Variants in CDH4 observed in about 807,000 individuals in gnomAD.
CDH4 encodes the protein cadherin 4, also known as cadherin-4.
Under a neutral mutation model 86.0 loss-of-function variants are expected in CDH4, and 33 were observed. The observed-to-expected ratio is 0.38, with a 90% CI of 0.29 to 0.51. The LOEUF (loss-of-function observed/expected upper bound fraction) is 0.51, where lower values mean the gene tolerates loss of function less well. Among genes scored for constraint, CDH4 ranks in the 20% least tolerant of loss-of-function variants. The probability of loss-of-function intolerance (pLI) is 0.86; values close to 1 mark genes in which losing one functional copy is unlikely to be tolerated. For missense variants in CDH4, 1,114 were observed against 1,307.4 expected (o/e 0.85, Z 2.28); for synonymous variants, 555 against 549.4 (o/e 1.01, Z -0.14).
intron 2 of CDH4, among the ~76,000 whole-genome samples, chr20:61,627,163 C>G (rs1377778230): frequency 6.6e-6 from 1 of 152,144 alleles, no homozygotes; most frequent in Non-Finnish European, 1.5e-5. Context: ...TCTGTCTAGA[C>G]ACAGGTTGGA....
chr20:61,715,276 T>C (rs2087940895), intron 2 of CDH4, among the ~76,000 whole-genome samples: 1 of 152,240 alleles, frequency 6.6e-6, no homozygotes. Flanking sequence ...TCTTGCTGAT[T>C]TGAGTTCTTT....
At chr20:61,266,238 T>TG (rs1600817154) in intron 2 of CDH4, among the ~76,000 whole-genome samples, 1 of 151,980 alleles carries the variant, frequency 6.6e-6, no homozygotes, top group East Asian at 1.9e-4. Flanking sequence ...TCTCCTGGAA[T>TG]GGGTGCATTT....
chr20:61,859,597 AT>A lies in CDH4; in HGVS notation c.877+6705del, dbSNP rs1349422951. On this transcript the variant is annotated intron_variant, in intron 6 of 15. Transcript: ENST00000614565. Reference sequence around the variant, plus strand: ...ACATGTGAGATGTAGATCCAGGTGTATTTTTTGCTCATCTCCATATTTTCCA... The same window carrying A: ...ACATGTGAGATGTAGATCCAGGTGTATTTTTGCTCATCTCCATATTTTCCA... 3.3e-5 allele frequency among the ~76,000 whole-genome samples: 5 copies of A among 152,048 alleles called. No individual in the cohort carries two copies. In the East Asian group the frequency reaches 9.7e-4, roughly 29 times the overall value.
chr20:61,404,734 T>G (rs1205333539), intron 2 of CDH4, among the ~76,000 whole-genome samples: 1 of 152,100 alleles, frequency 6.6e-6, no homozygotes, highest in Non-Finnish European at 1.5e-5. Context: ...TTTTTTCTTT[T>G]TTTCCTAGGG....
At position 61,383,414 on chromosome 20, in the gene CDH4, G is replaced by GATATATATGATATATATC. The variant is rs1568822683; in HGVS notation, c.169+128484_169+128501dup. On this transcript the variant is annotated intron_variant, in intron 2 of 15. Transcript: ENST00000614565. ...ATATATGATATATATGAATATATAT[G>GATATATATGATATATATC]ATATATATGATATATATCATATATG... 7.3e-5 allele frequency among the ~76,000 whole-genome samples: 3 copies of GATATATATGATATATATC among 40,900 alleles called. 1 individual carries two copies. The highest frequency in any genetic ancestry group is 1.1e-4 in the Non-Finnish European group (3 of 27,768). The allele number at this position is 40,900 out of a possible 152,430, so 26.8% of individuals were successfully genotyped here. A position where few individuals can be genotyped will look rare whatever the true frequency, so the allele number is the denominator to read the frequency against.
At chr20:61,567,758 G>A (rs2086311022) in intron 2 of CDH4, among the ~76,000 whole-genome samples, 1 of 152,180 alleles carries the variant, frequency 6.6e-6, no homozygotes, top group South Asian at 2.1e-4. Flanking sequence ...AAAACGGGAG[G>A]ATTGTTCGAG....
chr20:61,254,936 A>T lies in CDH4; in HGVS notation c.168A>T (p.Gln56His). 1.9e-6 allele frequency: 3 copies of T among 1,557,968 alleles called. No individual in the cohort carries two copies. Among genetic ancestry groups the T allele is most frequent in the Non-Finnish European group, 2.7e-6 (3 of 1,128,998 alleles). Residue 56 changes from glutamine (Q) to histidine (H), a missense_variant and splice_region_variant, in exon 2 of 16, where the codon CAA becomes CAT. Physicochemically the swap from Gln to His is conservative, Grantham distance 24. This residue lies in a region of CDH4 where 221 missense variants were observed against 209.5 expected (regional missense o/e 1.05). Coordinates refer to ENST00000614565, the MANE Select transcript of CDH4 (RefSeq NM_001794.5). Reference protein sequence around the residue: ...QNILEGEKLLQVKFSSCVGTK... With the variant: ...QNILEGEKLLHVKFSSCVGTK... ...TTCTAGAAGGGGAAAAGCTACTTCA[A>T]GGTAAGGCGGGGTGTGGAGGGGTGG...
chr20:61,713,269 A>G (rs2087912654), intron 2 of CDH4, among the ~76,000 whole-genome samples: 1 of 152,128 alleles, frequency 6.6e-6, no homozygotes, highest in Non-Finnish European at 1.5e-5. Flanking sequence ...CCCTTTGGAG[A>G]TGCACTTTGC....
In CDH4 at chr20:61,518,996, C is replaced by T. The variant is rs1450706269; in HGVS notation, c.170-224567C>T. Among the ~76,000 whole-genome samples, 1 of 152,228 alleles carries T rather than the reference C, an allele frequency of 6.6e-6. No homozygotes were observed. Among genetic ancestry groups the T allele is most frequent in the African/African-American group, 2.4e-5 (1 of 41,450 alleles). The stretch of plus-strand genomic sequence containing the variant: ...TCCATCCATCCTTCATCCATCCATT[C>T]ATCCATGCATTCCCAGGATGCACAC... On this transcript the variant is annotated intron_variant, in intron 2 of 15. Coordinates refer to ENST00000614565, the MANE Select transcript of CDH4 (RefSeq NM_001794.5). This position sits in a 1 kb window ranked among gnomAD's most constrained non-coding sequence, Gnocchi z 6.3.
intron 7 of CDH4, among the ~76,000 whole-genome samples, chr20:61,877,316 C>T (rs1261721160): frequency 3.3e-5 from 5 of 152,170 alleles, no homozygotes; most frequent in Admixed American, 1.3e-4. Context: ...CAAGGCGGGG[C>T]CAGCCTGCTC....
rs529088623 is a variant in CDH4 at position 61,595,430 on chromosome 20, C to T, written c.170-148133C>T. 3.9e-5 allele frequency among the ~76,000 whole-genome samples: 6 copies of T among 152,306 alleles called. No individual in the cohort carries two copies. The East Asian group carries it at 1.2e-3, about 29-fold the overall frequency. On this transcript the variant is annotated intron_variant, in intron 2 of 15. Transcript: ENST00000614565. ...CCTAATGAGCTGCCTGTGTTGACTG[C>T]GGGATCCTTCCCCACCAAACGCTGT... is the stretch of plus-strand genomic sequence containing the variant.
intron 2 of CDH4, among the ~76,000 whole-genome samples, chr20:61,495,926 G>A (rs1033324761): frequency 5.1e-5 from 7 of 136,432 alleles, no homozygotes; most frequent in Admixed American, 1.5e-4. Flanking sequence ...AAAAAAAAGA[G>A]TCTAGTGCAG....
intron 2 of CDH4, among the ~76,000 whole-genome samples, chr20:61,475,809 C>T (rs767724224): frequency 5.3e-5 from 8 of 150,926 alleles, no homozygotes; most frequent in South Asian, 2.1e-4. Flanking sequence ...TGGTTGATCA[C>T]GAACTACAAA....
In CDH4 at chr20:61,565,193, T is replaced by TTGGTGGTAGGTGGTGG. The variant is rs1568688309; in HGVS notation, c.170-178363_170-178362insAGGTGGTGGTGGTGGT. Reference sequence around the variant, plus strand: ...TGGGGTGGTGGTGGTGGTGGTCCTCTTGGTGGTGGTCGCGGTGCTCTCGGT... The same window carrying TTGGTGGTAGGTGGTGG: ...TGGGGTGGTGGTGGTGGTGGTCCTCTTGGTGGTAGGTGGTGGTGGTGGTGGTCGCGGTGCTCTCGGT... On this transcript the variant is annotated intron_variant, in intron 2 of 15. Coordinates refer to ENST00000614565, the MANE Select transcript of CDH4 (RefSeq NM_001794.5). 1.8e-4 allele frequency among the ~76,000 whole-genome samples: 15 copies of TTGGTGGTAGGTGGTGG among 83,524 alleles called. 3 individuals are homozygous for TTGGTGGTAGGTGGTGG. Among genetic ancestry groups the TTGGTGGTAGGTGGTGG allele is most frequent in the African/African-American group, 6.3e-4 (13 of 20,764 alleles). The allele number at this position is 83,524 out of a possible 152,430, so 54.8% of individuals were successfully genotyped here. A position where few individuals can be genotyped will look rare whatever the true frequency, so the allele number is the denominator to read the frequency against.
chr20:61,900,310 T>G (rs1393632872), intron 8 of CDH4, among the ~76,000 whole-genome samples: 1 of 151,382 alleles, frequency 6.6e-6, no homozygotes, highest in Non-Finnish European at 1.5e-5. Context: ...TGCCCTTAAT[T>G]ACGCTTGGGT....
chr20:61,384,489 GGTGACCTGGAT>G (rs921600251), intron 2 of CDH4, among the ~76,000 whole-genome samples: 3 of 152,162 alleles, frequency 2.0e-5, no homozygotes, highest in African/African-American at 7.2e-5. Flanking sequence ...TCTGGAAGCT[GGTGACCTGGAT>G]GTGTGGTTTG....
rs560248484 is a variant in CDH4, at chr20:61,880,036, G to A, written c.1050+6136G>A. Reference sequence around the variant, plus strand: ...CGTCTTCAAGACCCTCTGCCCGCCCGGTGCTGTCATCCAATGGATGGAGAG... The same window carrying A: ...CGTCTTCAAGACCCTCTGCCCGCCCAGTGCTGTCATCCAATGGATGGAGAG... On this transcript the variant is annotated intron_variant, in intron 7 of 15. Transcript: ENST00000614565. Among the ~76,000 whole-genome samples, 40 of 152,304 alleles carry A rather than the reference G, an allele frequency of 2.6e-4. No individual in the cohort carries two copies. The South Asian group carries it at 4.6e-3, about 17-fold the overall frequency.
At chr20:61,432,344 A>G (rs2085252058) in intron 2 of CDH4, among the ~76,000 whole-genome samples, 1 of 152,198 alleles carries the variant, frequency 6.6e-6, no homozygotes, top group Non-Finnish European at 1.5e-5. Flanking sequence ...GTGGGGCTTC[A>G]TTCTAATCTC....
At chr20:61,691,338 T>G (rs991714469) in intron 2 of CDH4, among the ~76,000 whole-genome samples, 1 of 151,378 alleles carries the variant, frequency 6.6e-6, no homozygotes, top group Non-Finnish European at 1.5e-5. Flanking sequence ...TGGATGTGTG[T>G]ATGTGTGTGT....
Sources: allele counts gnomAD v4.1 joint callset (sites outside exome capture counted in the v4.1 genomes callset), GRCh38; gene constraint gnomAD v4.1.1; regional missense constraint gnomAD v4.1.1; non-coding constraint Gnocchi (gnomAD v3.1); transcripts MANE v1.5; gene names NCBI Gene and HGNC (gene_info 2026-07-23, HGNC 2026-07-21).